SORCS3: variants seen among roughly 807,000 people sequenced by gnomAD.
SORCS3 encodes VPS10 domain-containing receptor SorCS3.
SORCS3 carries 57 observed loss-of-function variants against 146.3 expected under a neutral mutation model. That is an observed-to-expected ratio of 0.39 (90% CI 0.31 to 0.49). SORCS3 has a LOEUF of 0.49. Among genes scored for constraint, SORCS3 ranks in the 20% least tolerant of loss-of-function variants. SORCS3 has a pLI of 0.92. For synonymous variants in SORCS3, 653 were observed against 618.5 expected (o/e 1.06, Z -0.83); for missense variants, 1,341 against 1,575.5 (o/e 0.85, Z 2.52).
chr10:105,054,695 C>T (rs2055435085), intron 5 of SORCS3, among the ~76,000 whole-genome samples: 1 of 152,036 alleles, frequency 6.6e-6, no homozygotes, highest in African/African-American at 2.4e-5. Context: ...AGGTTAGGAG[C>T]CCTCGAGGTC....
At chr10:104,813,862 G>A (rs2017766379) in intron 1 of SORCS3, among the ~76,000 whole-genome samples, 1 of 150,360 alleles carries the variant, frequency 6.7e-6, no homozygotes, top group Non-Finnish European at 1.5e-5. Flanking sequence ...TCTAAAATCT[G>A]TTTCTCTGGG....
intron 4 of SORCS3, among the ~76,000 whole-genome samples, chr10:105,026,100 A>G (rs2055228079): frequency 6.6e-6 from 1 of 151,970 alleles, no homozygotes; most frequent in African/African-American, 2.4e-5. Context: ...CTCCTCCACT[A>G]ATTAGTCAAT....
chr10:104,841,878 C>A lies in SORCS3; in HGVS notation c.628-914C>A, dbSNP rs1484965148. Among the ~76,000 whole-genome samples, 4 of 152,268 alleles carry A rather than the reference C, an allele frequency of 2.6e-5. No homozygotes were observed. The East Asian group carries it at 7.7e-4, about 29-fold the overall frequency. ...GTAACTGGATTATCACGCGTGCAGG[C>A]AGGCAATGTGTATTATGCACCTGCG... is the stretch of plus-strand genomic sequence containing the variant. On this transcript the variant is annotated intron_variant, in intron 1 of 26. Transcript: ENST00000369701.
intron 2 of SORCS3, among the ~76,000 whole-genome samples, chr10:104,849,642 AATG>A (rs1181927814): frequency 6.6e-6 from 1 of 152,192 alleles, no homozygotes; most frequent in Non-Finnish European, 1.5e-5. Context: ...ATAAAAATAG[AATG>A]ATAATAAAGT....
intron 2 of SORCS3, among the ~76,000 whole-genome samples, chr10:104,858,857 G>T (rs1291213411): frequency 6.7e-6 from 1 of 150,108 alleles, no homozygotes; most frequent in African/African-American, 2.5e-5. Context: ...TCCTGACCTC[G>T]TGATCCGCCC....
chr10:104,769,815 T>C (rs1212477901), intron 1 of SORCS3, among the ~76,000 whole-genome samples: 1 of 152,170 alleles, frequency 6.6e-6, no homozygotes, highest in Non-Finnish European at 1.5e-5. Context: ...CAGCTCCTTA[T>C]CTGCAAAATG....
chr10:104,818,149 C>T (rs2017826191), intron 1 of SORCS3, among the ~76,000 whole-genome samples: 1 of 152,132 alleles, frequency 6.6e-6, no homozygotes, highest in Non-Finnish European at 1.5e-5. Flanking sequence ...AGGAAACTTT[C>T]CTACTGGCTC....
At chr10:104,962,118 A>T (rs756977313) in intron 3 of SORCS3, among the ~76,000 whole-genome samples, 3 of 152,186 alleles carry the variant, frequency 2.0e-5, no homozygotes, top group Non-Finnish European at 4.4e-5. Flanking sequence ...GAAGACCGAG[A>T]TCATTCAGCT....
At chr10:104,663,534 A>G (rs940609239) in intron 1 of SORCS3, among the ~76,000 whole-genome samples, 4 of 152,026 alleles carry the variant, frequency 2.6e-5, no homozygotes, top group Non-Finnish European at 5.9e-5. Context: ...GGCATCTCTG[A>G]TATGTTGTTA....
chr10:104,751,225 T>C (rs192952982), intron 1 of SORCS3, among the ~76,000 whole-genome samples: 1 of 152,304 alleles, frequency 6.6e-6, no homozygotes, highest in African/African-American at 2.4e-5. Context: ...AAATAAGGAA[T>C]ACATTTCTAA....
At chr10:104,642,098 TC>T in intron 1 of SORCS3, 144 bp downstream of exon 1, 1 of 983,934 alleles carries the variant, frequency 1.0e-6, no homozygotes, top group Non-Finnish European at 1.5e-6. Flanking sequence ...TTTGTCCGAT[TC>T]CCCCCACGCC....
At chr10:104,782,930 T>C (rs753892722) in intron 1 of SORCS3, among the ~76,000 whole-genome samples, 11 of 152,216 alleles carry the variant, frequency 7.2e-5, no homozygotes, top group Non-Finnish European at 1.5e-4. Context: ...TATGATTTTG[T>C]GTTTTACATA....
At chr10:105,001,716 A>G (rs1419395573) in intron 4 of SORCS3, among the ~76,000 whole-genome samples, 1 of 152,216 alleles carries the variant, frequency 6.6e-6, no homozygotes. Flanking sequence ...AATTAAAAGA[A>G]GCAGTTTCGC....
intron 25 of SORCS3, among the ~76,000 whole-genome samples, chr10:105,259,540 C>T (rs2056949011): frequency 6.6e-6 from 1 of 152,122 alleles, no homozygotes; most frequent in African/African-American, 2.4e-5. Context: ...ATCACCTGGC[C>T]TCTCGCAGGC....
chr10:104,890,469 C>T (rs886441164), intron 2 of SORCS3, among the ~76,000 whole-genome samples: 8 of 152,034 alleles, frequency 5.3e-5, no homozygotes, highest in African/African-American at 1.9e-4. Flanking sequence ...AATGTCTAAT[C>T]TGTCATTAAT....
chr10:105,216,264 G>A (rs893280131), intron 18 of SORCS3, among the ~76,000 whole-genome samples: 2 of 152,120 alleles, frequency 1.3e-5, no homozygotes, highest in Non-Finnish European at 2.9e-5. Context: ...AATGGGAATC[G>A]CCATCCTATC....
chr10:105,008,448 C>T (rs73335962), intron 4 of SORCS3, among the ~76,000 whole-genome samples: 7,030 of 152,270 alleles, frequency 0.046, 187 homozygotes, highest in Middle Eastern at 0.078. Flanking sequence ...ATTCTGGATG[C>T]ATCTATCATT....
intron 1 of SORCS3, among the ~76,000 whole-genome samples, chr10:104,735,306 G>A (rs1399756103): frequency 6.6e-6 from 1 of 152,118 alleles, no homozygotes; most frequent in East Asian, 1.9e-4. Context: ...TATTACTTGG[G>A]ATTCAGGAAA....
intron 7 of SORCS3, among the ~76,000 whole-genome samples, chr10:105,121,335 A>G (rs2055931084): frequency 2.0e-5 from 3 of 152,292 alleles, no homozygotes; most frequent in Middle Eastern, 3.4e-3. Context: ...CAGGATCTCA[A>G]TATGACAGAT....
Sources: allele counts gnomAD v4.1 joint callset (sites outside exome capture counted in the v4.1 genomes callset), GRCh38; gene constraint gnomAD v4.1.1; transcripts MANE v1.5; gene names NCBI Gene and HGNC (gene_info 2026-07-23, HGNC 2026-07-21).